The following METTL22 variants were observed in gnomAD, a reference collection of about 807,000 sequenced individuals.
METTL22 encodes the protein methyltransferase 22, Kin17 lysine.
In METTL22, 51 loss-of-function variants were observed where a neutral mutation model predicts 48.4. The ratio of observed to expected loss-of-function variants is 1.05; its 90% CI spans 0.84 to 1.33. The LOEUF is 1.33. Ranked by LOEUF, METTL22 falls within the 40% of genes most tolerant of loss-of-function variation. The pLI is 0.00. For missense variants in METTL22, 678 were observed against 526.9 expected, an observed-to-expected ratio of 1.29 and a Z score of -2.81; for synonymous variants, 255 against 214.1, an observed-to-expected ratio of 1.19 and a Z score of -1.67.
rs1730994 is a variant in METTL22 at position 8,646,158 on chromosome 16, A to G, written c.*15A>G. On this transcript the variant is annotated 3_prime_UTR_variant, in exon 11 of 11. Transcript: ENST00000381920. ...CAGTAACATGACCCATCGCCTCCAC[A>G]AGGCGCGGCGTCTCGACTGTTCTTA... 6.2e-7 allele frequency: 1 copy of G among 1,613,768 alleles called. No individual in the cohort carries two copies. Among genetic ancestry groups the G allele is most frequent in the East Asian group, 2.2e-5 (1 of 44,880 alleles).
chr16:8,648,651 A>G lies in METTL22; in HGVS notation c.*2508A>G. On this transcript the variant is annotated 3_prime_UTR_variant, in exon 11 of 11. Transcript: ENST00000381920. Reference sequence around the variant, plus strand: ...TCAAAAAAAAAAAAAAGCCAGGCGTAGTGGCTAACGCCTGTAGTCCCAACT... The same window carrying G: ...TCAAAAAAAAAAAAAAGCCAGGCGTGGTGGCTAACGCCTGTAGTCCCAACT... 6.5e-6 allele frequency: 1 copy of G among 153,580 alleles called. No individual in the cohort carries two copies. The highest frequency in any genetic ancestry group is 1.4e-5 in the Non-Finnish European group (1 of 69,570). The allele number at this position is 153,580 out of a possible 1,614,324, so 9.5% of individuals were successfully genotyped here.
chr16:8,633,504 G>A (rs1329944721), intron 3 of METTL22, among the ~76,000 whole-genome samples: 5 of 152,182 alleles, frequency 3.3e-5, no homozygotes, highest in Admixed American at 1.3e-4. Context: ...TACTCGAGAG[G>A]CTTAGGTGGC....
intron 1 of METTL22, among the ~76,000 whole-genome samples, chr16:8,622,085 G>T (rs1352253697): frequency 6.6e-6 from 1 of 152,188 alleles, no homozygotes; most frequent in Non-Finnish European, 1.5e-5. Flanking sequence ...TCAGGAAGGC[G>T]ACAAGACAAA....
chr16:8,658,221 G>A, the METTL22 span, among the ~76,000 whole-genome samples: 9 of 152,204 alleles, frequency 5.9e-5, no homozygotes, highest in Admixed American at 2.6e-4. Flanking sequence ...AGGAGCACCC[G>A]GGATCACCAG....
chr16:8,642,252 T>A lies in METTL22; in HGVS notation c.907+45T>A, dbSNP rs771719259. On this transcript the variant is annotated intron_variant, in intron 8 of 10. Transcript: ENST00000381920. ...GCCGTACACGTCCTTTGTTGTAGCA[T>A]GAAGTCAAGTGCAGTCTCTCCTCAC... is the stretch of plus-strand genomic sequence containing the variant. The A allele has an allele frequency of 5.2e-6, 8 of 1,527,066 alleles. No homozygotes were observed. In the East Asian group the frequency reaches 1.8e-4, roughly 34 times the overall value. 94.6% of individuals were successfully genotyped at this position (1,527,066 alleles called of 1,614,324 possible). A position where few individuals can be genotyped will look rare whatever the true frequency, so the allele number is the denominator to read the frequency against.
At chr16:8,640,551 AGGATGGGTGGGT>A (rs1205757015) in intron 6 of METTL22, among the ~76,000 whole-genome samples, 2 of 120,764 alleles carry the variant, frequency 1.7e-5, no homozygotes, top group South Asian at 3.1e-4. Flanking sequence ...GAGGATAATA[AGGATGGGTGGGT>A]GGATGGGTGG....
At chr16:8,627,005 G>A (rs752076473) in intron 2 of METTL22, among the ~76,000 whole-genome samples, 3 of 151,166 alleles carry the variant, frequency 2.0e-5, no homozygotes, top group Admixed American at 6.6e-5. Flanking sequence ...CTGACCTCGT[G>A]CCGCCCGCCT....
At chr16:8,666,694 A>G in the METTL22 span, 1 of 152,094 alleles carries the variant, frequency 6.6e-6, no homozygotes, top group Non-Finnish European at 1.5e-5. Flanking sequence ...CAGCCAGAAT[A>G]TGAGCCCAAC....
intron 6 of METTL22, 140 bp downstream of exon 6, chr16:8,639,302 CTG>C: frequency 2.7e-6 from 2 of 745,964 alleles, no homozygotes; most frequent in Non-Finnish European, 4.6e-6. Flanking sequence ...CAGGCGTCGT[CTG>C]GGCATCACAG....
chr16:8,661,366 G>T, the METTL22 span, among the ~76,000 whole-genome samples: 1 of 151,754 alleles, frequency 6.6e-6, no homozygotes, highest in Non-Finnish European at 1.5e-5. Context: ...CTTACCGTTG[G>T]CCGGGCGCGG....
downstream of METTL22, among the ~76,000 whole-genome samples, chr16:8,652,152 A>G (rs1475593779): frequency 6.6e-6 from 1 of 152,166 alleles, no homozygotes. Flanking sequence ...TCTTCAGTAT[A>G]GAGTCCAGAT....
intron 5 of METTL22, among the ~76,000 whole-genome samples, chr16:8,638,152 A>T (rs1250356110): frequency 6.6e-6 from 1 of 152,124 alleles, no homozygotes; most frequent in African/African-American, 2.4e-5. Flanking sequence ...GTTTCCAAAA[A>T]ACTGCTAAGC....
downstream of METTL22, among the ~76,000 whole-genome samples, chr16:8,653,905 G>A (rs1021419177): frequency 1.3e-5 from 2 of 152,106 alleles, no homozygotes; most frequent in Non-Finnish European, 2.9e-5. Flanking sequence ...TGATATCAGG[G>A]AAGAATTTTG....
the METTL22 span, among the ~76,000 whole-genome samples, chr16:8,664,090 ATTT>A: frequency 7.0e-6 from 1 of 142,136 alleles, no homozygotes; most frequent in Non-Finnish European, 1.5e-5. Flanking sequence ...AAGTTTTTTA[ATTT>A]TTTTTTTTTT....
At chr16:8,637,403 A>G (rs911658985) in intron 5 of METTL22, among the ~76,000 whole-genome samples, 5 of 147,246 alleles carry the variant, frequency 3.4e-5, no homozygotes, top group African/African-American at 1.1e-4. Flanking sequence ...ATAGCAGACT[A>G]TAAAGAAGTC....
intron 3 of METTL22, chr16:8,631,457 G>A (rs1008214042): frequency 1.3e-5 from 2 of 152,180 alleles, no homozygotes; most frequent in Non-Finnish European, 2.9e-5. Flanking sequence ...TAGCCTCTCT[G>A]AGTTCAGTTT....
At chr16:8,626,935 T>G (rs2056082115) in intron 2 of METTL22, among the ~76,000 whole-genome samples, 1 of 151,784 alleles carries the variant, frequency 6.6e-6, no homozygotes, top group South Asian at 2.1e-4. Context: ...CCTGGCTAAT[T>G]TTTTTGTATT....
chr16:8,642,439 T>G, intron 8 of METTL22, 24 bp from the exon 9 acceptor site: 1 of 1,608,806 alleles, frequency 6.2e-7, no homozygotes, highest in East Asian at 2.2e-5. Context: ...TTTCCTCTAA[T>G]GCTGGCCTTT....
intron 9 of METTL22, chr16:8,644,314 C>T (rs1443688882): frequency 3.0e-6 from 1 of 336,090 alleles, no homozygotes; most frequent in Non-Finnish European, 5.5e-6. Flanking sequence ...ATTGTGGGCA[C>T]GTGACCTGAG....
Sources: allele counts gnomAD v4.1 joint callset (sites outside exome capture counted in the v4.1 genomes callset), GRCh38; gene constraint gnomAD v4.1.1; transcripts MANE v1.5; gene names NCBI Gene and HGNC (gene_info 2026-07-23, HGNC 2026-07-21).